The following TNR variants were observed in gnomAD, a reference collection of about 807,000 sequenced individuals.
TNR encodes the protein tenascin R.
In TNR, 45 loss-of-function variants were observed where a neutral mutation model predicts 150.4. The ratio of observed to expected loss-of-function variants is 0.30; its 90% confidence interval spans 0.24 to 0.38. TNR has a LOEUF of 0.38. Among genes scored for constraint, TNR ranks in the 10% least tolerant of loss-of-function variants. The probability of loss-of-function intolerance (pLI) is 1.00; values close to 1 mark genes in which losing one functional copy is unlikely to be tolerated. For synonymous variants in TNR, 687 were observed against 678.4 expected (o/e 1.01, Z -0.20); for missense variants, 1,544 against 1,759.1 (o/e 0.88, Z 2.19).
chr1:175,614,533 T>G (rs760140014), intron 1 of TNR, among the ~76,000 whole-genome samples: 21 of 152,230 alleles, frequency 1.4e-4, no homozygotes, highest in Admixed American at 3.9e-4. Context: ...AGGCATCTTT[T>G]TATGACTGTT....
rs1649242797 is a variant in TNR at position 175,324,441 on chromosome 1, GCA to G, written c.3870_3871del (p.Ala1291HisfsTer10). ...CCACCATGCTCCCTTGTACGACATG[GCA>G]CAGTTAGTCACTGCAACATCATTGT... On this transcript the variant is annotated frameshift_variant, in exon 22 of 23. Coordinates refer to ENST00000367674, the MANE Select transcript of TNR (RefSeq NM_003285.3). LOFTEE classifies it high-confidence loss of function. The G allele has an allele frequency of 6.2e-7, 1 of 1,614,010 alleles. No homozygotes were observed. The highest frequency in any genetic ancestry group is 8.5e-7 in the Non-Finnish European group (1 of 1,180,018).
At chr1:175,379,843 A>C (rs989089027) in intron 8 of TNR, 106 bp from the exon 9 acceptor site, 5 of 1,276,552 alleles carry the variant, frequency 3.9e-6, no homozygotes, top group Non-Finnish European at 5.4e-6. Context: ...ACACCCCCTG[A>C]CCCTCTGGCT....
intron 1 of TNR, among the ~76,000 whole-genome samples, chr1:175,700,555 T>A (rs1666661147): frequency 6.6e-6 from 1 of 152,154 alleles, no homozygotes. Context: ...CTGAGAAGTC[T>A]CTGTGCCTTT....
chr1:175,401,797 AT>A (rs1401142845), intron 4 of TNR, among the ~76,000 whole-genome samples: 2 of 152,142 alleles, frequency 1.3e-5, no homozygotes, highest in Non-Finnish European at 2.9e-5. Flanking sequence ...TTATCAGCAA[AT>A]TCCTAAAATT....
At chr1:175,720,065 C>T (rs1667258556) in intron 1 of TNR, among the ~76,000 whole-genome samples, 1 of 152,216 alleles carries the variant, frequency 6.6e-6, no homozygotes, top group African/African-American at 2.4e-5. Context: ...CATATCTTCA[C>T]TTACTGTTAT....
At chr1:175,693,508 G>T (rs1185121103) in intron 1 of TNR, among the ~76,000 whole-genome samples, 1 of 152,196 alleles carries the variant, frequency 6.6e-6, no homozygotes, top group East Asian at 1.9e-4. Context: ...TATCCAAGGA[G>T]ACTTTGATGA....
intron 2 of TNR, among the ~76,000 whole-genome samples, chr1:175,463,845 G>T (rs1468740222): frequency 6.6e-6 from 1 of 152,210 alleles, no homozygotes; most frequent in Non-Finnish European, 1.5e-5. Flanking sequence ...AGGCAGAAAT[G>T]AAGGAAGGTT....
chr1:175,709,308 TACACACACAC>T (rs371591261), intron 1 of TNR, among the ~76,000 whole-genome samples: 5 of 127,762 alleles, frequency 3.9e-5, no homozygotes, highest in South Asian at 2.5e-4. Flanking sequence ...CACACACACA[TACACACACAC>T]ACACACACAC....
intron 2 of TNR, among the ~76,000 whole-genome samples, chr1:175,502,717 G>A (rs1421502533): frequency 6.6e-6 from 1 of 152,180 alleles, no homozygotes; most frequent in East Asian, 1.9e-4. Flanking sequence ...CAATAAAGAT[G>A]CAGTGGCGAG....
intron 1 of TNR, among the ~76,000 whole-genome samples, chr1:175,670,772 G>A (rs997749475): frequency 5.9e-5 from 9 of 152,148 alleles, no homozygotes; most frequent in Non-Finnish European, 8.8e-5. Flanking sequence ...ATGTGGATAC[G>A]GGAGGGTCGG....
At chr1:175,573,527 T>C (rs1017600108) in intron 1 of TNR, among the ~76,000 whole-genome samples, 5 of 152,188 alleles carry the variant, frequency 3.3e-5, no homozygotes, top group African/African-American at 1.2e-4. Context: ...GCCCAACAGG[T>C]GAGTTAGCAA....
chr1:175,498,714 A>G (rs1245913190), intron 2 of TNR, among the ~76,000 whole-genome samples: 1 of 152,212 alleles, frequency 6.6e-6, no homozygotes, highest in Non-Finnish European at 1.5e-5. Flanking sequence ...GAGGGCATAC[A>G]TGCTGGAGAG....
chr1:175,603,725 C>A (rs1273886986), intron 1 of TNR, among the ~76,000 whole-genome samples: 2 of 152,170 alleles, frequency 1.3e-5, no homozygotes, highest in African/African-American at 4.8e-5. Context: ...GTATAGGTAA[C>A]CCTCTCATCA....
At chr1:175,657,057 G>A (rs1665199936) in intron 1 of TNR, among the ~76,000 whole-genome samples, 2 of 152,150 alleles carry the variant, frequency 1.3e-5, no homozygotes, top group South Asian at 4.2e-4. Context: ...ATTTGCTAAT[G>A]GAAGAGATGC....
At chr1:175,657,323 G>A (rs1442751575) in intron 1 of TNR, among the ~76,000 whole-genome samples, 1 of 152,230 alleles carries the variant, frequency 6.6e-6, no homozygotes, top group Non-Finnish European at 1.5e-5. Context: ...CTGTTGGTGG[G>A]ACAGTAAACT....
intron 1 of TNR, among the ~76,000 whole-genome samples, chr1:175,633,426 T>C (rs1186462656): frequency 6.6e-6 from 1 of 151,734 alleles, no homozygotes; most frequent in Non-Finnish European, 1.5e-5. Flanking sequence ...AGAGGAATGG[T>C]GGGGAAGAAG....
intron 1 of TNR, among the ~76,000 whole-genome samples, chr1:175,620,852 G>A (rs958195990): frequency 3.9e-5 from 6 of 152,064 alleles, no homozygotes; most frequent in African/African-American, 1.4e-4. Flanking sequence ...AAAAGAGAGA[G>A]AGAAGCTTTT....
Position 175,671,090 on chromosome 1 carries a change from C to T in TNR, c.-165+72136G>A, listed in dbSNP as rs1324305240. Among the ~76,000 whole-genome samples the T allele has an allele frequency of 4.6e-5, 7 of 152,042 alleles. No homozygotes were observed. The South Asian group carries it at 6.3e-4, about 14-fold the overall frequency. On this transcript the variant is annotated intron_variant, in intron 1 of 22. Transcript: ENST00000367674. The stretch of plus-strand genomic sequence containing the variant: ...GAGAGTTTTGAGGGAGGAAGAACAT[C>T]GTGAGTGGGTACTGAACACCCGTAG...
chr1:175,423,499 G>A (rs758822001), intron 2 of TNR, among the ~76,000 whole-genome samples: 1 of 152,164 alleles, frequency 6.6e-6, no homozygotes, highest in Non-Finnish European at 1.5e-5. Context: ...CCCAGGGAAT[G>A]GTCAACCCTG....
Sources: gnomAD v4.1 joint callset for allele counts (sites outside exome capture counted in the v4.1 genomes callset) on GRCh38, gnomAD v4.1.1 for gene constraint, MANE v1.5 for transcripts, NCBI Gene and HGNC (gene_info 2026-07-23, HGNC 2026-07-21) for gene names.